Variants in GALNTL6 observed in about 807,000 individuals in gnomAD.
GALNTL6 encodes the protein polypeptide N-acetylgalactosaminyltransferase-like 6.
GALNTL6 carries 46 observed loss-of-function variants against 73.7 expected under a neutral mutation model. That is an observed-to-expected ratio of 0.62 (90% CI 0.49 to 0.80). The LOEUF (loss-of-function observed/expected upper bound fraction) is 0.80, where lower values mean the gene tolerates loss of function less well. Among genes scored for constraint, GALNTL6 ranks in the 30% least tolerant of loss-of-function variants. GALNTL6 has a pLI of 0.00. For missense variants in GALNTL6, 604 were observed against 755.0 expected, an observed-to-expected ratio of 0.80 and a Z score of 2.34; for synonymous variants, 259 against 263.7, an observed-to-expected ratio of 0.98 and a Z score of 0.17.
intron 2 of GALNTL6, among the ~76,000 whole-genome samples, chr4:171,987,676 C>T (rs1481368890): frequency 2.0e-5 from 3 of 152,068 alleles, no homozygotes; most frequent in South Asian, 2.1e-4. Flanking sequence ...TAGATTTCCA[C>T]GATGGAAAGG....
chr4:171,975,829 G>T (rs1739704473), intron 2 of GALNTL6, among the ~76,000 whole-genome samples: 1 of 151,980 alleles, frequency 6.6e-6, no homozygotes, highest in African/African-American at 2.4e-5. Context: ...TTGAAAAATA[G>T]TTCAAATTAT....
At chr4:172,254,741 A>G (rs547454680) in intron 3 of GALNTL6, among the ~76,000 whole-genome samples, 1 of 151,872 alleles carries the variant, frequency 6.6e-6, no homozygotes. Context: ...GTTCCACAAG[A>G]GAAGACATAA....
intron 5 of GALNTL6, among the ~76,000 whole-genome samples, chr4:172,776,398 T>C (rs1226827180): frequency 6.6e-6 from 1 of 152,190 alleles, no homozygotes; most frequent in African/African-American, 2.4e-5. Flanking sequence ...GGCATTTTTT[T>C]CTAATATTTG....
intron 8 of GALNTL6, among the ~76,000 whole-genome samples, chr4:172,886,073 G>A (rs1385986909): frequency 6.6e-6 from 1 of 152,172 alleles, no homozygotes; most frequent in Non-Finnish European, 1.5e-5. Flanking sequence ...GAGTTTGGAA[G>A]AATTCCCTCC....
chr4:172,916,460 T>C (rs1039002546), intron 8 of GALNTL6, among the ~76,000 whole-genome samples: 4 of 152,254 alleles, frequency 2.6e-5, no homozygotes, highest in Non-Finnish European at 5.9e-5. Flanking sequence ...TCAAATTGTC[T>C]CTGTTTGCAG....
intron 5 of GALNTL6, among the ~76,000 whole-genome samples, chr4:172,780,732 C>T (rs185875529): frequency 6.6e-6 from 1 of 152,300 alleles, no homozygotes; most frequent in Admixed American, 6.5e-5. Context: ...TTTTAATTCT[C>T]TGTCTCCTTC....
Position 172,353,884 on chromosome 4 carries a change from T to C in GALNTL6, c.553+5195T>C, listed in dbSNP as rs117112676. Among the ~76,000 whole-genome samples the C allele has an allele frequency of 9.8e-4, 149 of 152,242 alleles. 1 individual carries two copies. In the South Asian group the frequency reaches 0.016, roughly 16 times the overall value. ...AATAGCAGAGATATTTTTAATGATT[T>C]CACAAATGATGATGTCAAGTCTTGA... On this transcript the variant is annotated intron_variant, in intron 5 of 12. Coordinates refer to ENST00000506823, the MANE Select transcript of GALNTL6 (RefSeq NM_001034845.3).
chr4:172,186,818 C>T lies in GALNTL6; in HGVS notation c.139-42838C>T, dbSNP rs534124430. On this transcript the variant is annotated intron_variant, in intron 2 of 12. Coordinates refer to ENST00000506823, the MANE Select transcript of GALNTL6 (RefSeq NM_001034845.3). ...TAACTGATTAATGTGTATACGTTTC[C>T]TTTTGGGGTGAAGAAAATGTTTTGG... 2.0e-5 allele frequency among the ~76,000 whole-genome samples: 3 copies of T among 151,968 alleles called. No individual in the cohort carries two copies. The South Asian group carries it at 6.2e-4, about 31-fold the overall frequency.
Position 172,695,642 on chromosome 4 carries a change from T to C in GALNTL6, c.554-113719T>C, listed in dbSNP as rs550480576. Reference sequence around the variant, plus strand: ...CTTTCTAATTTATTTTTATTTTCAATATTTTTCTCTTCAAGAAATTGTAGG... The same window carrying C: ...CTTTCTAATTTATTTTTATTTTCAACATTTTTCTCTTCAAGAAATTGTAGG... On this transcript the variant is annotated intron_variant, in intron 5 of 12. Coordinates refer to ENST00000506823, the MANE Select transcript of GALNTL6 (RefSeq NM_001034845.3). Among the ~76,000 whole-genome samples, 6 of 152,348 alleles carry C rather than the reference T, an allele frequency of 3.9e-5. No homozygotes were observed. The East Asian group carries it at 1.2e-3, about 29-fold the overall frequency.
At chr4:172,412,537 T>G (rs1744486783) in intron 5 of GALNTL6, among the ~76,000 whole-genome samples, 1 of 152,182 alleles carries the variant, frequency 6.6e-6, no homozygotes, top group Non-Finnish European at 1.5e-5. Flanking sequence ...AGTCCAGATA[T>G]CTACAGACTT....
intron 2 of GALNTL6, among the ~76,000 whole-genome samples, chr4:172,007,299 G>C (rs1344133287): frequency 1.3e-5 from 2 of 151,928 alleles, no homozygotes; most frequent in African/African-American, 2.4e-5. Flanking sequence ...TTTGAAATGT[G>C]TTAAATTAGC....
rs1749165422 is a variant in GALNTL6 at position 172,946,333 on chromosome 4, A to T, written c.1150-5704A>T. ...TAATACAAATACAGTTGACTCCCAAATAATACACTGAGAAACTGAACAGGG... is the reference window on the plus strand; with the variant it reads ...TAATACAAATACAGTTGACTCCCAATTAATACACTGAGAAACTGAACAGGG... On this transcript the variant is annotated intron_variant, in intron 9 of 12. Coordinates refer to ENST00000506823, the MANE Select transcript of GALNTL6 (RefSeq NM_001034845.3). Among the ~76,000 whole-genome samples, 6 of 152,358 alleles carry T rather than the reference A, an allele frequency of 3.9e-5. No homozygotes were observed. The South Asian group carries it at 1.2e-3, about 32-fold the overall frequency.
intron 4 of GALNTL6, among the ~76,000 whole-genome samples, chr4:172,311,956 T>TA (rs1740379038): frequency 6.6e-6 from 1 of 152,218 alleles, no homozygotes; most frequent in Non-Finnish European, 1.5e-5. Context: ...ACTGAATTTC[T>TA]AAAAATCCAA....
At chr4:172,844,638 G>A (rs943581353) in intron 7 of GALNTL6, among the ~76,000 whole-genome samples, 1 of 152,182 alleles carries the variant, frequency 6.6e-6, no homozygotes, top group Non-Finnish European at 1.5e-5. Flanking sequence ...TGGTGACCAC[G>A]TGGTTGTCAG....
chr4:172,614,931 A>T (rs76280446), intron 5 of GALNTL6, among the ~76,000 whole-genome samples: 4,685 of 152,032 alleles, frequency 0.031, 112 homozygotes, highest in South Asian at 0.09. Flanking sequence ...CAGAAAGTTT[A>T]AAAAAAATGT....
At chr4:172,470,437 CATAG>C (rs944344386) in intron 5 of GALNTL6, among the ~76,000 whole-genome samples, 13 of 152,100 alleles carry the variant, frequency 8.5e-5, no homozygotes, top group Non-Finnish European at 1.6e-4. Context: ...TACCATCTGC[CATAG>C]ATATTGAACA....
intron 2 of GALNTL6, among the ~76,000 whole-genome samples, chr4:172,211,210 A>G (rs1173063319): frequency 1.3e-5 from 2 of 152,164 alleles, no homozygotes; most frequent in South Asian, 2.1e-4. Flanking sequence ...CATTTCCCCA[A>G]GGAGCCCTGG....
intron 5 of GALNTL6, among the ~76,000 whole-genome samples, chr4:172,464,573 G>A (rs1226553624): frequency 6.6e-6 from 1 of 152,002 alleles, no homozygotes. Context: ...CGAGTGTGGT[G>A]GCGCATGCCT....
intron 10 of GALNTL6, among the ~76,000 whole-genome samples, chr4:172,974,880 C>T (rs1415479797): frequency 6.6e-6 from 1 of 152,252 alleles, no homozygotes; most frequent in East Asian, 1.9e-4. Flanking sequence ...ATACCACGAC[C>T]AGCTTCTACT....
Sources: allele counts gnomAD v4.1 joint callset (sites outside exome capture counted in the v4.1 genomes callset), GRCh38; gene constraint gnomAD v4.1.1; transcripts MANE v1.5; gene names NCBI Gene and HGNC (gene_info 2026-07-23, HGNC 2026-07-21).